SCHIP1: variants seen among roughly 807,000 people sequenced by gnomAD.
SCHIP1 encodes schwannomin-interacting protein 1.
Under a neutral mutation model 29.7 loss-of-function variants are expected in SCHIP1, and 8 were observed. The ratio of observed to expected loss-of-function variants is 0.27; its 90% confidence interval spans 0.16 to 0.49. The LOEUF is 0.49. Ranked by LOEUF, SCHIP1 falls within the 20% of genes least tolerant of loss-of-function variation. The probability of loss-of-function intolerance (pLI) is 0.99; values close to 1 mark genes in which losing one functional copy is unlikely to be tolerated. For missense variants in SCHIP1, 193 were observed against 294.6 expected, an observed-to-expected ratio of 0.66 and a Z score of 2.52; for synonymous variants, 76 against 94.9, an observed-to-expected ratio of 0.80 and a Z score of 1.16.
the SCHIP1 span, among the ~76,000 whole-genome samples, chr3:159,687,016 A>G: frequency 5.9e-5 from 9 of 152,028 alleles, no homozygotes; most frequent in Non-Finnish European, 1.0e-4. Context: ...CTCCCTTGAT[A>G]ACTCCTGTCA....
chr3:159,353,316 A>G, the SCHIP1 span, among the ~76,000 whole-genome samples: 1 of 152,096 alleles, frequency 6.6e-6, no homozygotes, highest in Non-Finnish European at 1.5e-5. Flanking sequence ...GTATAATAAT[A>G]ATAAAATTAA....
chr3:159,584,291 G>C, the SCHIP1 span, among the ~76,000 whole-genome samples: 39 of 152,242 alleles, frequency 2.6e-4, no homozygotes, highest in African/African-American at 8.7e-4. Flanking sequence ...TAATCTTCCC[G>C]TCTTGAGACA....
the SCHIP1 span, among the ~76,000 whole-genome samples, chr3:159,814,458 A>G: frequency 6.6e-6 from 1 of 152,220 alleles, no homozygotes; most frequent in Non-Finnish European, 1.5e-5. Context: ...GAAATGCCCT[A>G]AAGGCCAGAA....
At chr3:159,315,102 A>G in the SCHIP1 span, among the ~76,000 whole-genome samples, 1 of 151,922 alleles carries the variant, frequency 6.6e-6, no homozygotes. Context: ...TAAAGGGTTT[A>G]TATTAATTTA....
At chr3:159,575,263 C>A in the SCHIP1 span, among the ~76,000 whole-genome samples, 4 of 152,292 alleles carry the variant, frequency 2.6e-5, no homozygotes, top group African/African-American at 4.8e-5. Flanking sequence ...CAAGTTTAGA[C>A]CATGTATATT....
At chr3:159,485,193 C>G in the SCHIP1 span, among the ~76,000 whole-genome samples, 1 of 152,132 alleles carries the variant, frequency 6.6e-6, no homozygotes, top group Admixed American at 6.5e-5. Flanking sequence ...AATAGCTTTA[C>G]TATGTCTAAG....
the SCHIP1 span, among the ~76,000 whole-genome samples, chr3:159,734,168 A>G: frequency 6.4e-4 from 67 of 105,056 alleles, no homozygotes; most frequent in Admixed American, 3.8e-3. Flanking sequence ...TGTGAGAGGG[A>G]GTCTTGCTCT....
chr3:159,770,261 TTATC>T, the SCHIP1 span, among the ~76,000 whole-genome samples: 2 of 152,262 alleles, frequency 1.3e-5, no homozygotes, highest in African/African-American at 4.8e-5. Context: ...TGTATACACT[TTATC>T]TATTTATTTT....
chr3:159,340,755 T>C, the SCHIP1 span, among the ~76,000 whole-genome samples: 54 of 152,192 alleles, frequency 3.5e-4, no homozygotes, highest in African/African-American at 1.0e-3. Flanking sequence ...ATGAGTCACA[T>C]TTTTTTGCTT....
At chr3:159,802,836 G>A in the SCHIP1 span, among the ~76,000 whole-genome samples, 16 of 152,340 alleles carry the variant, frequency 1.1e-4, no homozygotes, top group African/African-American at 3.6e-4. Context: ...TAAAAGAAGT[G>A]TGGAGGTCAG....
the SCHIP1 span, among the ~76,000 whole-genome samples, chr3:159,313,972 T>C: frequency 6.6e-6 from 1 of 152,240 alleles, no homozygotes; most frequent in Non-Finnish European, 1.5e-5. Flanking sequence ...CGTGCTTTGC[T>C]GTGTCATATA....
the SCHIP1 span, among the ~76,000 whole-genome samples, chr3:159,663,212 T>A: frequency 6.6e-6 from 1 of 152,126 alleles, no homozygotes; most frequent in African/African-American, 2.4e-5. Context: ...CTGGTGTGAG[T>A]GTAAATGAAT....
the SCHIP1 span, among the ~76,000 whole-genome samples, chr3:159,609,141 A>G: frequency 6.6e-6 from 1 of 152,174 alleles, no homozygotes; most frequent in African/African-American, 2.4e-5. Flanking sequence ...TCAAGAGAAG[A>G]CAAGTGCAGT....
At chr3:159,469,640 C>T in the SCHIP1 span, among the ~76,000 whole-genome samples, 15 of 152,184 alleles carry the variant, frequency 9.9e-5, no homozygotes, top group African/African-American at 3.6e-4. Context: ...TTGGGGAGAA[C>T]GGCATCTTTA....
chr3:159,609,816 G>T, the SCHIP1 span, among the ~76,000 whole-genome samples: 7 of 151,920 alleles, frequency 4.6e-5, no homozygotes, highest in Non-Finnish European at 8.8e-5. Flanking sequence ...TTACAGCACT[G>T]ATATGATTAC....
the SCHIP1 span, among the ~76,000 whole-genome samples, chr3:159,785,000 A>C: frequency 6.6e-6 from 1 of 152,234 alleles, no homozygotes; most frequent in South Asian, 2.1e-4. Flanking sequence ...GAAATTATTT[A>C]CAAAGCTCTA....
the SCHIP1 span, among the ~76,000 whole-genome samples, chr3:159,754,311 G>A: frequency 1.3e-5 from 2 of 152,262 alleles, no homozygotes; most frequent in Admixed American, 6.5e-5. Context: ...TGGTATTAGA[G>A]TTTTAAATAA....
the SCHIP1 span, among the ~76,000 whole-genome samples, chr3:159,611,680 A>G: frequency 1.3e-5 from 2 of 152,318 alleles, no homozygotes; most frequent in East Asian, 3.9e-4. Context: ...CATGTATCCC[A>G]GAACTTAACA....
At chr3:159,733,317 G>A in the SCHIP1 span, among the ~76,000 whole-genome samples, 8 of 152,176 alleles carry the variant, frequency 5.3e-5, no homozygotes, top group Non-Finnish European at 1.2e-4. Flanking sequence ...TAGCAGAAAT[G>A]TGTTTCTCTC....
Sources: allele counts gnomAD v4.1 joint callset (sites outside exome capture counted in the v4.1 genomes callset), GRCh38; gene constraint gnomAD v4.1.1; transcripts MANE v1.5; gene names NCBI Gene and HGNC (gene_info 2026-07-23, HGNC 2026-07-21).